CALD1: variants seen among roughly 807,000 people sequenced by gnomAD.
CALD1 encodes caldesmon 1, also known as caldesmon.
Under a neutral mutation model 99.9 loss-of-function variants are expected in CALD1, and 33 were observed. The ratio of observed to expected loss-of-function variants is 0.33; its 90% CI spans 0.25 to 0.44. CALD1 has a LOEUF of 0.44. Ranked by LOEUF, CALD1 falls within the 20% of genes least tolerant of loss-of-function variation. The pLI is 1.00. For missense variants in CALD1, 861 were observed against 962.1 expected, an observed-to-expected ratio of 0.89 and a Z score of 1.39; for synonymous variants, 310 against 325.0, an observed-to-expected ratio of 0.95 and a Z score of 0.50.
the CALD1 span, among the ~76,000 whole-genome samples, chr7:134,734,552 T>C: frequency 6.6e-6 from 1 of 152,232 alleles, no homozygotes; most frequent in Non-Finnish European, 1.5e-5. Flanking sequence ...AATCTCATCT[T>C]GAATTGTAGC....
chr7:134,729,655 AG>A, the CALD1 span, among the ~76,000 whole-genome samples: 1 of 152,250 alleles, frequency 6.6e-6, no homozygotes, highest in African/African-American at 2.4e-5. Flanking sequence ...CCTCTTGTAC[AG>A]ATGGCCTCTG....
chr7:134,952,501 C>T (rs1807431025), intron 9 of CALD1, among the ~76,000 whole-genome samples: 1 of 148,536 alleles, frequency 6.7e-6, no homozygotes, highest in South Asian at 2.1e-4. Flanking sequence ...GATAGAGTCT[C>T]GCTGTGTTGC....
At chr7:134,748,720 C>CA (rs1424496052) in intron 1 of CALD1, among the ~76,000 whole-genome samples, 4 of 145,088 alleles carry the variant, frequency 2.8e-5, no homozygotes, top group Non-Finnish European at 4.6e-5. Context: ...CCCCCGCCCC[C>CA]CAAAAAAAAC....
intron 1 of CALD1, among the ~76,000 whole-genome samples, chr7:134,812,747 G>A (rs1264010394): frequency 1.3e-5 from 2 of 152,182 alleles, no homozygotes; most frequent in African/African-American, 4.8e-5. Context: ...TTAGGCATTT[G>A]ATTGGAATTG....
chr7:134,847,085 A>G (rs1207438710), intron 2 of CALD1, among the ~76,000 whole-genome samples: 1 of 152,172 alleles, frequency 6.6e-6, no homozygotes, highest in African/African-American at 2.4e-5. Flanking sequence ...TCATTTTCCT[A>G]TGAGCACGTA....
intron 11 of CALD1, 117 bp downstream of exon 11, chr7:134,958,407 AT>A (rs5887717): frequency 0.4 from 210,643 of 525,676 alleles, 14,176 homozygotes; most frequent in African/African-American, 0.58. Flanking sequence ...GAGTGTTAGA[AT>A]TTTTTTTTTT....
At chr7:134,938,240 T>A (rs1473913460) in intron 6 of CALD1, among the ~76,000 whole-genome samples, 1 of 152,136 alleles carries the variant, frequency 6.6e-6, no homozygotes, top group Non-Finnish European at 1.5e-5. Context: ...TGAGAAACAG[T>A]AGCTACACCC....
At chr7:134,822,114 T>C (rs1028868152) in intron 1 of CALD1, 3 of 152,212 alleles carry the variant, frequency 2.0e-5, no homozygotes, top group Non-Finnish European at 4.4e-5. Context: ...CTGACAACTT[T>C]GTGGCACATC....
At chr7:134,916,577 A>T (rs1804220860) in intron 3 of CALD1, among the ~76,000 whole-genome samples, 1 of 152,242 alleles carries the variant, frequency 6.6e-6, no homozygotes, top group Non-Finnish European at 1.5e-5. Context: ...CTCAGCTGAC[A>T]CAAGATATGT....
At chr7:134,770,124 A>T (rs1193385411) in intron 1 of CALD1, among the ~76,000 whole-genome samples, 2 of 152,144 alleles carry the variant, frequency 1.3e-5, no homozygotes, top group Non-Finnish European at 2.9e-5. Flanking sequence ...TTGTAAAAAG[A>T]AAAAATGCTC....
chr7:134,922,412 A>G (rs561257949), intron 3 of CALD1, among the ~76,000 whole-genome samples: 1 of 152,348 alleles, frequency 6.6e-6, no homozygotes, highest in African/African-American at 2.4e-5. Flanking sequence ...ATGATGTCCT[A>G]TAGTCTCAAA....
At chr7:134,895,609 T>A (rs1422481703) in intron 3 of CALD1, among the ~76,000 whole-genome samples, 1 of 152,174 alleles carries the variant, frequency 6.6e-6, no homozygotes, top group East Asian at 1.9e-4. Flanking sequence ...TGTTCTGCTG[T>A]AGCCAAGAGT....
intron 1 of CALD1, among the ~76,000 whole-genome samples, chr7:134,838,641 T>G (rs371729248): frequency 6.6e-6 from 1 of 152,248 alleles, no homozygotes; most frequent in Non-Finnish European, 1.5e-5. Context: ...CATTGGCAAA[T>G]AATCCAGTGT....
intron 5 of CALD1, 131 bp from the exon 6 acceptor site, chr7:134,935,557 G>C: frequency 7.0e-7 from 1 of 1,422,218 alleles, no homozygotes; most frequent in Non-Finnish European, 9.4e-7. Flanking sequence ...ACTGTGCTGT[G>C]AGCGCTGAGA....
At chr7:134,877,226 T>C (rs968481372) in intron 3 of CALD1, among the ~76,000 whole-genome samples, 112 of 152,178 alleles carry the variant, frequency 7.4e-4, no homozygotes, top group African/African-American at 2.6e-3. Flanking sequence ...TTTTGGCAGC[T>C]ACCATCTGGG....
At chr7:134,735,057 T>A in the CALD1 span, 1 of 219,728 alleles carries the variant, frequency 4.6e-6, no homozygotes, top group Non-Finnish European at 9.4e-6. Flanking sequence ...CAGGAAGACC[T>A]TGTGTCTGAA....
At chr7:134,756,253 C>T (rs1286964742) in intron 1 of CALD1, among the ~76,000 whole-genome samples, 3 of 97,280 alleles carry the variant, frequency 3.1e-5, no homozygotes, top group East Asian at 3.5e-4. Context: ...GCCTGGGGAA[C>T]GAGAGTGAGA....
intron 1 of CALD1, among the ~76,000 whole-genome samples, chr7:134,786,508 G>A (rs923483622): frequency 6.6e-6 from 1 of 152,096 alleles, no homozygotes; most frequent in East Asian, 1.9e-4. Flanking sequence ...GCCACACCAA[G>A]TAAAATTATG....
At chr7:134,724,794 T>C in the CALD1 span, among the ~76,000 whole-genome samples, 1 of 152,172 alleles carries the variant, frequency 6.6e-6, no homozygotes, top group Non-Finnish European at 1.5e-5. Context: ...CAGCCAGCAC[T>C]CCTCCAGGGG....
Sources: gnomAD v4.1 joint callset for allele counts (sites outside exome capture counted in the v4.1 genomes callset) on GRCh38, gnomAD v4.1.1 for gene constraint, MANE v1.5 for transcripts, NCBI Gene and HGNC (gene_info 2026-07-23, HGNC 2026-07-21) for gene names.